Variants in CTNNA2 observed in about 807,000 individuals in gnomAD.
CTNNA2 encodes catenin alpha 2.
In CTNNA2, 42 loss-of-function variants were observed where a neutral mutation model predicts 101.0. The observed-to-expected ratio is 0.42, with a 90% CI of 0.32 to 0.54. The LOEUF (loss-of-function observed/expected upper bound fraction) is 0.54, where lower values mean the gene tolerates loss of function less well. Among genes scored for constraint, CTNNA2 ranks in the 20% least tolerant of loss-of-function variants. The pLI, the probability that CTNNA2 is intolerant of heterozygous loss-of-function variation, is 0.14. For missense variants in CTNNA2, 871 were observed against 1,223.1 expected (o/e 0.71, Z 4.29); for synonymous variants, 450 against 456.4 (o/e 0.99, Z 0.18).
At chr2:79,502,157 T>C (rs1202203660) in intron 4 of CTNNA2, among the ~76,000 whole-genome samples, 1 of 152,070 alleles carries the variant, frequency 6.6e-6, no homozygotes, top group Non-Finnish European at 1.5e-5. Flanking sequence ...GTGACTTAAA[T>C]ACAAAAAGTT....
chr2:79,739,316 G>T (rs569532519), intron 2 of CTNNA2, among the ~76,000 whole-genome samples: 2 of 152,012 alleles, frequency 1.3e-5, no homozygotes, highest in African/African-American at 4.8e-5. Flanking sequence ...GCTTACAAAG[G>T]GGTTTCTCTG....
At chr2:80,646,952 T>G (rs1000563309) in intron 18 of CTNNA2, among the ~76,000 whole-genome samples, 13 of 152,168 alleles carry the variant, frequency 8.5e-5, no homozygotes, top group Middle Eastern at 3.4e-3. Context: ...AATACAAATT[T>G]CTCATAATAG....
chr2:80,003,455 T>C (rs1174816626), intron 7 of CTNNA2, among the ~76,000 whole-genome samples: 1 of 152,160 alleles, frequency 6.6e-6, no homozygotes, highest in Non-Finnish European at 1.5e-5. Context: ...TAATGCAGCT[T>C]CCCCTGGCCC....
chr2:79,805,568 G>C (rs72824563), intron 3 of CTNNA2, among the ~76,000 whole-genome samples: 3 of 152,096 alleles, frequency 2.0e-5, no homozygotes, highest in African/African-American at 7.2e-5. Flanking sequence ...ATAGCAGTAC[G>C]TTACTGAGCT....
At chr2:79,994,875 A>G (rs1246050957) in intron 7 of CTNNA2, among the ~76,000 whole-genome samples, 1 of 152,084 alleles carries the variant, frequency 6.6e-6, no homozygotes, top group South Asian at 2.1e-4. Context: ...TACCCCCACC[A>G]TGGCCTCAGA....
rs570078713 is a variant in CTNNA2 at position 79,795,168 on chromosome 2, G to A, written c.298+50586G>A. Among the ~76,000 whole-genome samples, 7 of 152,290 alleles carry A rather than the reference G, an allele frequency of 4.6e-5. No homozygotes were observed. The South Asian group carries it at 1.5e-3, about 32-fold the overall frequency. On this transcript the variant is annotated intron_variant, in intron 3 of 18. Transcript: ENST00000402739. Reference sequence around the variant, plus strand: ...TTTAAATATGACTATCCAGTTAGGTGTTCTGTTGATGGGATGCATAAGAAA... The same window carrying A: ...TTTAAATATGACTATCCAGTTAGGTATTCTGTTGATGGGATGCATAAGAAA...
At chr2:79,741,046 T>C (rs12997769) in intron 2 of CTNNA2, among the ~76,000 whole-genome samples, 29,182 of 151,470 alleles carry the variant, frequency 0.19, 2,932 homozygotes, top group Middle Eastern at 0.24. Flanking sequence ...TGGCATGCAT[T>C]GTCATAGGGT....
intron 7 of CTNNA2, among the ~76,000 whole-genome samples, chr2:80,355,101 G>A (rs1673653717): frequency 1.3e-5 from 2 of 152,072 alleles, no homozygotes; most frequent in African/African-American, 4.8e-5. Flanking sequence ...ATTAGTCAGG[G>A]GCCATTTGGC....
rs869066159 is a variant in CTNNA2 at position 79,258,845 on chromosome 2, CAAAAAAAAAAAAAA to C, written c.-405-53851_-405-53838del. ...ATGAAGCCAAGGCCAAATCCTCTAC[CAAAAAAAAAAAAAA>C]AAAAAAAAAAAAGGCAAACGAATCT... On this transcript the variant is annotated intron_variant, in intron 2 of 21. Transcript: ENST00000466387. 3.6e-3 allele frequency among the ~76,000 whole-genome samples: 330 copies of C among 91,388 alleles called. 3 individuals carry two copies. Among genetic ancestry groups the C allele is most frequent in the African/African-American group, 0.015 (320 of 21,510 alleles). 60.0% of individuals were successfully genotyped at this position (91,388 alleles called of 152,430 possible).
At chr2:79,540,138 T>C (rs961071359) in intron 1 of CTNNA2, among the ~76,000 whole-genome samples, 3 of 152,110 alleles carry the variant, frequency 2.0e-5, no homozygotes, top group African/African-American at 2.4e-5. Flanking sequence ...ATTAAACTTA[T>C]ATCACAAAAG....
chr2:80,158,225 A>G (rs1265576431), intron 7 of CTNNA2, among the ~76,000 whole-genome samples: 1 of 152,164 alleles, frequency 6.6e-6, no homozygotes, highest in Admixed American at 6.5e-5. Flanking sequence ...TCTGTCCATC[A>G]ATCTTCTGGA....
At chr2:79,582,582 C>T (rs1005412959) in intron 1 of CTNNA2, among the ~76,000 whole-genome samples, 1 of 152,080 alleles carries the variant, frequency 6.6e-6, no homozygotes, top group Admixed American at 6.5e-5. Flanking sequence ...AGTAATTTCT[C>T]CTTGGTGTCT....
chr2:80,277,686 A>G (rs2149152542), intron 7 of CTNNA2, among the ~76,000 whole-genome samples: 1 of 152,114 alleles, frequency 6.6e-6, no homozygotes, highest in East Asian at 1.9e-4. Flanking sequence ...GAATAAGTTT[A>G]TGGTATTTGT....
At chr2:79,522,270 C>G (rs1363090162) in intron 1 of CTNNA2, among the ~76,000 whole-genome samples, 1 of 152,202 alleles carries the variant, frequency 6.6e-6, no homozygotes, top group Non-Finnish European at 1.5e-5. Flanking sequence ...CTCGCTCCAT[C>G]TTCAAACAGA....
intron 3 of CTNNA2, among the ~76,000 whole-genome samples, chr2:79,817,161 T>C (rs1213759849): frequency 6.6e-6 from 1 of 152,076 alleles, no homozygotes; most frequent in East Asian, 1.9e-4. Flanking sequence ...GCATTAGGTA[T>C]ATCCCCTAAT....
At chr2:80,515,290 T>C (rs147354136) in intron 9 of CTNNA2, among the ~76,000 whole-genome samples, 1 of 152,282 alleles carries the variant, frequency 6.6e-6, no homozygotes, top group African/African-American at 2.4e-5. Context: ...TGTTCTTCTT[T>C]GATGGAAATT....
chr2:79,576,574 G>A (rs1675814019), intron 1 of CTNNA2, among the ~76,000 whole-genome samples: 1 of 152,112 alleles, frequency 6.6e-6, no homozygotes, highest in African/African-American at 2.4e-5. Flanking sequence ...TTTAAGTGCT[G>A]CTTGTAAGAC....
chr2:80,216,420 TA>T (rs1160831343), intron 7 of CTNNA2, among the ~76,000 whole-genome samples: 15 of 152,224 alleles, frequency 9.9e-5, no homozygotes, highest in Admixed American at 9.2e-4. Context: ...ACAATAATAA[TA>T]ATAATGTATA....
chr2:79,408,295 TA>T (rs2104487699), intron 4 of CTNNA2, among the ~76,000 whole-genome samples: 1 of 98,580 alleles, frequency 1.0e-5, no homozygotes, highest in South Asian at 6.6e-4. Context: ...ATAAATTTAT[TA>T]TTATTATTAT....
Sources: gnomAD v4.1 joint callset for allele counts (sites outside exome capture counted in the v4.1 genomes callset) on GRCh38, gnomAD v4.1.1 for gene constraint, MANE v1.5 for transcripts, NCBI Gene and HGNC (gene_info 2026-07-23, HGNC 2026-07-21) for gene names.